The following CDH1 variants were observed in gnomAD, a reference collection of about 807,000 sequenced individuals.
CDH1 encodes the protein cadherin 1, also known as cadherin-1.
A neutral mutation model predicts 84.5 loss-of-function variants in CDH1; 35 were observed. The observed-to-expected ratio is 0.41, with a 90% CI of 0.32 to 0.55. The LOEUF is 0.55. Ranked by LOEUF, CDH1 falls within the 20% of genes least tolerant of loss-of-function variation. The pLI, the probability that CDH1 is intolerant of heterozygous loss-of-function variation, is 0.19. For missense variants in CDH1, 994 were observed against 1,126.6 expected (o/e 0.88, Z 1.68); for synonymous variants, 417 against 439.0 (o/e 0.95, Z 0.63).
chr16:68,795,395 A>G (rs181519825), intron 2 of CDH1, among the ~76,000 whole-genome samples: 6 of 152,306 alleles, frequency 3.9e-5, no homozygotes, highest in African/African-American at 1.4e-4. Context: ...GCTAGTCTCA[A>G]ACTCCTGGGC....
chr16:68,834,740 G>A lies in CDH1; in HGVS notation c.*1241G>A. 1 of 232,330 alleles carries A rather than the reference G, an allele frequency of 4.3e-6. No individual in the cohort carries two copies. The highest frequency in any genetic ancestry group is 5.6e-5 in the Admixed American group (1 of 17,836). The allele number at this position is 232,330 out of a possible 1,614,324, so 14.4% of individuals were successfully genotyped here. On this transcript the variant is annotated 3_prime_UTR_variant, in exon 16 of 16. Coordinates refer to ENST00000261769, the MANE Select transcript of CDH1 (RefSeq NM_004360.5). ...GGGCAGCTATCCAGTGACTTGTTCT[G>A]AGTAAGTGTGTTCATTAATGTTTAT... is the stretch of plus-strand genomic sequence containing the variant.
intron 9 of CDH1, among the ~76,000 whole-genome samples, chr16:68,814,739 T>C (rs1180243847): frequency 6.6e-6 from 1 of 152,090 alleles, no homozygotes; most frequent in Non-Finnish European, 1.5e-5. Flanking sequence ...CAGATATGGT[T>C]GTTTTTGAAA....
At chr16:68,821,576 C>G (rs1388274131) in intron 11 of CDH1, among the ~76,000 whole-genome samples, 1 of 151,850 alleles carries the variant, frequency 6.6e-6, no homozygotes, top group Non-Finnish European at 1.5e-5. Flanking sequence ...AGCTTCTAGT[C>G]AGGCTTAAAA....
At chr16:68,757,793 T>C (rs902675413) in intron 2 of CDH1, among the ~76,000 whole-genome samples, 7 of 149,288 alleles carry the variant, frequency 4.7e-5, no homozygotes, top group African/African-American at 9.9e-5. Flanking sequence ...TTCCTTCCTT[T>C]CTTTCTTTCT....
chr16:68,816,823 C>T (rs1221184258), intron 10 of CDH1, among the ~76,000 whole-genome samples: 1 of 152,166 alleles, frequency 6.6e-6, no homozygotes, highest in African/African-American at 2.4e-5. Context: ...GATATTTCTA[C>T]ATGCTCCAAA....
intron 2 of CDH1, among the ~76,000 whole-genome samples, chr16:68,761,025 A>T (rs1358852905): frequency 6.6e-6 from 1 of 152,184 alleles, no homozygotes; most frequent in Non-Finnish European, 1.5e-5. Context: ...AGGTCAAGTG[A>T]AACTGAACTT....
intron 11 of CDH1, among the ~76,000 whole-genome samples, chr16:68,821,498 TC>T (rs1475354746): frequency 6.7e-6 from 1 of 148,170 alleles, no homozygotes; most frequent in Non-Finnish European, 1.5e-5. Flanking sequence ...GTATGTGAAC[TC>T]CCCAATCTAT....
intron 10 of CDH1, among the ~76,000 whole-genome samples, chr16:68,818,498 A>T (rs1384993779): frequency 6.6e-6 from 1 of 150,674 alleles, no homozygotes; most frequent in Non-Finnish European, 1.5e-5. Context: ...CTATTATAGT[A>T]ACTTGTCTGT....
At chr16:68,737,954 C>A (rs1567471168) in intron 1 of CDH1, among the ~76,000 whole-genome samples, 1 of 152,110 alleles carries the variant, frequency 6.6e-6, no homozygotes, top group Non-Finnish European at 1.5e-5. Context: ...GGTGGGAGCG[C>A]CCCTCGCTCT....
In CDH1 at chr16:68,801,837, T is replaced by C. The variant is rs1960519552; in HGVS notation, c.331T>C (p.Ser111Pro). ...CTGGGACTCCACCTACAGAAAGTTT[T>C]CCACCAAAGTCACGCTGAATACAGT... Reference protein sequence around the residue: ...YAWDSTYRKFSTKVTLNTVGH... With the variant: ...YAWDSTYRKFPTKVTLNTVGH... Residue 111 changes from serine to proline, a missense_variant, in exon 3 of 16, where the codon TCC (serine) becomes CCC (proline). Coordinates refer to ENST00000261769, the MANE Select transcript of CDH1 (RefSeq NM_004360.5). The C allele has an allele frequency of 1.9e-6, 3 of 1,614,238 alleles. No homozygotes were observed. Among genetic ancestry groups the C allele is most frequent in the Non-Finnish European group, 2.5e-6 (3 of 1,180,048 alleles).
chr16:68,789,323 C>T (rs189728085), intron 2 of CDH1, among the ~76,000 whole-genome samples: 4 of 152,188 alleles, frequency 2.6e-5, no homozygotes, highest in Non-Finnish European at 2.9e-5. Context: ...TGAGCCACCG[C>T]ACCTGGCCAG....
At position 68,758,368 on chromosome 16, in the gene CDH1, T is replaced by C. The variant is rs1175222474; in HGVS notation, c.163+19957T>C. Among the ~76,000 whole-genome samples the C allele has an allele frequency of 4.0e-5, 6 of 151,724 alleles. No individual in the cohort carries two copies. The East Asian group carries it at 1.2e-3, about 29-fold the overall frequency. ...TACCACAAAGGATTGCAATGAGGAT[T>C]CAATGAGTTAGCATGTGCGAAGTGC... On this transcript the variant is annotated intron_variant, in intron 2 of 15. Transcript: ENST00000261769.
chr16:68,825,118 A>AT (rs1961284310), intron 13 of CDH1, among the ~76,000 whole-genome samples: 1 of 152,140 alleles, frequency 6.6e-6, no homozygotes, highest in African/African-American at 2.4e-5. Context: ...TATTAAAAAA[A>AT]ATTTTTTAAA....
Position 68,769,979 on chromosome 16 carries a change from C to CTT in CDH1, c.163+31585_163+31586dup, listed in dbSNP as rs34018552. Among the ~76,000 whole-genome samples, 504 of 125,224 alleles carry CTT rather than the reference C, an allele frequency of 4.0e-3. 3 individuals carry two copies. The highest frequency in any genetic ancestry group is 0.012 in the African/African-American group (426 of 34,082). The allele number at this position is 125,224 out of a possible 152,430, so 82.2% of individuals were successfully genotyped here. A position where few individuals can be genotyped will look rare whatever the true frequency, so the allele number is the denominator to read the frequency against. ...TACAGGTGTGAGCCACCGCAGCTGG[C>CTT]TTTTTTTTTTTTTTTTTTAAAGAAA... On this transcript the variant is annotated intron_variant, in intron 2 of 15. Transcript: ENST00000261769.
chr16:68,826,192 G>T (rs1477792446), intron 13 of CDH1, among the ~76,000 whole-genome samples: 1 of 152,020 alleles, frequency 6.6e-6, no homozygotes, highest in African/African-American at 2.4e-5. Context: ...TTTGCTATGG[G>T]TATGTATTTT....
In CDH1 at chr16:68,775,175, T is replaced by G. The variant is rs1014658749; in HGVS notation, c.164-26495T>G. Among the ~76,000 whole-genome samples the G allele has an allele frequency of 2.0e-5, 3 of 152,014 alleles. No homozygotes were observed. The East Asian group carries it at 5.8e-4, about 29-fold the overall frequency. On this transcript the variant is annotated intron_variant, in intron 2 of 15. Coordinates refer to ENST00000261769, the MANE Select transcript of CDH1 (RefSeq NM_004360.5). ...AACACCCTCATTTTACAATTAACAT[T>G]GTCATATTTGCCTTCTCTGTGTGTG...
intron 2 of CDH1, among the ~76,000 whole-genome samples, chr16:68,796,779 T>C (rs1283054748): frequency 2.0e-5 from 3 of 152,144 alleles, no homozygotes; most frequent in Non-Finnish European, 4.4e-5. Flanking sequence ...AAAAAAGAAT[T>C]CATTCTAATT....
Position 68,808,793 on chromosome 16 carries a change from C to T in CDH1, c.632C>T (p.Thr211Ile), listed in dbSNP as rs2152130211. The T allele has an allele frequency of 6.2e-7, 1 of 1,614,118 alleles. No homozygotes were observed. Among genetic ancestry groups the T allele is most frequent in the Non-Finnish European group, 8.5e-7 (1 of 1,179,994 alleles). Residue 211 changes from threonine to isoleucine, a missense_variant, in exon 5 of 16, where the codon ACA becomes ATA. Thr to Ile is a moderately conservative substitution (Grantham distance 89). Transcript: ENST00000261769. ...GGTGTCTTTATTATTGAAAGAGAAA[C>T]AGGATGGCTGAAGGTGACAGAGCCT... Reference protein sequence around the residue: ...PVGVFIIERETGWLKVTEPLD... With the variant: ...PVGVFIIEREIGWLKVTEPLD...
intron 2 of CDH1, among the ~76,000 whole-genome samples, chr16:68,766,380 A>G (rs2152120047): frequency 1.3e-5 from 2 of 152,298 alleles, no homozygotes; most frequent in South Asian, 4.1e-4. Context: ...TAACTGCCGG[A>G]TGCACCGCTT....
Sources: gnomAD v4.1 joint callset for allele counts (sites outside exome capture counted in the v4.1 genomes callset) on GRCh38, gnomAD v4.1.1 for gene constraint, MANE v1.5 for transcripts, NCBI Gene and HGNC (gene_info 2026-07-23, HGNC 2026-07-21) for gene names.